The following ATF7IP variants were observed in gnomAD, a reference collection of about 807,000 sequenced individuals.
ATF7IP encodes activating transcription factor 7-interacting protein 1.
A neutral mutation model predicts 106.4 loss-of-function variants in ATF7IP; 23 were observed. That is an observed-to-expected ratio of 0.22 (90% CI 0.16 to 0.31). ATF7IP has a LOEUF of 0.31. Ranked by LOEUF, ATF7IP falls within the 10% of genes least tolerant of loss-of-function variation. The pLI is 1.00. For synonymous variants in ATF7IP, 542 were observed against 539.0 expected, an observed-to-expected ratio of 1.01 and a Z score of -0.08; for missense variants, 1,334 against 1,524.3, an observed-to-expected ratio of 0.88 and a Z score of 2.08.
intron 5 of ATF7IP, among the ~76,000 whole-genome samples, 186 bp downstream of exon 5, chr12:14,438,453 A>C (rs566800885): frequency 6.6e-6 from 1 of 152,300 alleles, no homozygotes; most frequent in Non-Finnish European, 1.5e-5. Context: ...TTTAAACAGT[A>C]GAAATATTCT....
intron 1 of ATF7IP, among the ~76,000 whole-genome samples, chr12:14,423,456 ATGTAATCT>A (rs757381540): frequency 8.1e-4 from 123 of 151,876 alleles, no homozygotes; most frequent in Admixed American, 2.4e-3. Context: ...TTGGTTGCAA[ATGTAATCT>A]TTCCTTACAT....
At chr12:14,469,852 A>T (rs1176936086) in intron 10 of ATF7IP, among the ~76,000 whole-genome samples, 1 of 152,162 alleles carries the variant, frequency 6.6e-6, no homozygotes, top group African/African-American at 2.4e-5. Context: ...ATCGCACAGA[A>T]TTTGTTTTTT....
chr12:14,492,092 G>A lies in ATF7IP; in HGVS notation c.3281-4139G>A, dbSNP rs190248388. 4.0e-3 allele frequency among the ~76,000 whole-genome samples: 605 copies of A among 152,288 alleles called. 3 individuals carry two copies. The highest frequency in any genetic ancestry group is 0.014 in the African/African-American group (575 of 41,552). On this transcript the variant is annotated intron_variant, in intron 13 of 14. Transcript: ENST00000261168. The stretch of plus-strand genomic sequence containing the variant: ...CCTTACCAGTCAAGGAGCCAATGTG[G>A]TGGTTCTGCCAGCTGCTAAGTATGT...
At chr12:14,374,433 G>C (rs1327343616) in intron 1 of ATF7IP, among the ~76,000 whole-genome samples, 1 of 151,802 alleles carries the variant, frequency 6.6e-6, no homozygotes, top group Non-Finnish European at 1.5e-5. Flanking sequence ...ACTTCCAAGG[G>C]CCTTGTAATA....
intron 13 of ATF7IP, among the ~76,000 whole-genome samples, chr12:14,490,773 A>G (rs751870898): frequency 1.4e-4 from 22 of 152,064 alleles, no homozygotes; most frequent in Non-Finnish European, 2.9e-4. Context: ...CATGTAAATT[A>G]CTTCTGCCGT....
intron 1 of ATF7IP, among the ~76,000 whole-genome samples, chr12:14,381,978 G>A (rs1939021841): frequency 2.0e-5 from 3 of 151,274 alleles, no homozygotes; most frequent in African/African-American, 7.3e-5. Flanking sequence ...CATTGCAAGA[G>A]TGAAATAAAA....
intron 5 of ATF7IP, among the ~76,000 whole-genome samples, chr12:14,445,704 TCTC>T (rs1379940064): frequency 6.6e-6 from 1 of 152,188 alleles, no homozygotes; most frequent in Non-Finnish European, 1.5e-5. Context: ...AGATTTGGGT[TCTC>T]CTCTAGAAGT....
chr12:14,442,878 G>C (rs1238742527), intron 5 of ATF7IP, among the ~76,000 whole-genome samples: 2 of 152,160 alleles, frequency 1.3e-5, no homozygotes, highest in African/African-American at 4.8e-5. Flanking sequence ...CAGGAGGCCA[G>C]GTGTGATGGC....
intron 4 of ATF7IP, 119 bp downstream of exon 4, chr12:14,436,370 G>GAA (rs1942402068): frequency 9.5e-7 from 1 of 1,056,828 alleles, no homozygotes; most frequent in Non-Finnish European, 1.4e-6. Flanking sequence ...TAGAAAGAAA[G>GAA]AACTTGAAGA....
intron 1 of ATF7IP, among the ~76,000 whole-genome samples, chr12:14,402,339 A>T (rs1940284964): frequency 6.6e-6 from 1 of 150,844 alleles, no homozygotes; most frequent in African/African-American, 2.4e-5. Context: ...TGTTGCCCAG[A>T]CTGGTCTTGA....
Position 14,418,295 on chromosome 12 carries a change from C to G in ATF7IP, c.-7-5614C>G, listed in dbSNP as rs114382634. On this transcript the variant is annotated intron_variant, in intron 1 of 14. Transcript: ENST00000261168. ...ACTTAAAAAACATTATTTTGACTCT[C>G]ATCCTCATGAAAAAAATACTTTCAG... Among the ~76,000 whole-genome samples, 665 of 152,214 alleles carry G rather than the reference C, an allele frequency of 4.4e-3. 4 individuals carry two copies. The highest frequency in any genetic ancestry group is 0.015 in the African/African-American group (640 of 41,544).
intron 10 of ATF7IP, among the ~76,000 whole-genome samples, chr12:14,473,266 T>C (rs1427698741): frequency 7.2e-6 from 1 of 138,188 alleles, no homozygotes; most frequent in African/African-American, 2.7e-5. Context: ...TCTGTTAGCT[T>C]TTTAGCGCGC....
At chr12:14,400,057 A>G (rs1940098204) in intron 1 of ATF7IP, among the ~76,000 whole-genome samples, 2 of 152,028 alleles carry the variant, frequency 1.3e-5, no homozygotes, top group African/African-American at 4.8e-5. Context: ...TAGCACTAGC[A>G]TGGAAGAGAG....
intron 5 of ATF7IP, among the ~76,000 whole-genome samples, chr12:14,441,380 T>G (rs1942687387): frequency 6.6e-6 from 1 of 152,216 alleles, no homozygotes; most frequent in Non-Finnish European, 1.5e-5. Context: ...CATATGTGCT[T>G]GTTTATAGAA....
intron 10 of ATF7IP, among the ~76,000 whole-genome samples, chr12:14,470,201 C>A (rs1240990794): frequency 6.6e-6 from 1 of 152,180 alleles, no homozygotes; most frequent in Non-Finnish European, 1.5e-5. Flanking sequence ...ACTCTTTCTT[C>A]ACATTTGCTG....
At chr12:14,431,051 C>T (rs1277947628) in intron 2 of ATF7IP, among the ~76,000 whole-genome samples, 2 of 152,218 alleles carry the variant, frequency 1.3e-5, no homozygotes, top group Admixed American at 6.5e-5. Context: ...AAGTATAATT[C>T]TGAAATGGGA....
intron 5 of ATF7IP, 137 bp downstream of exon 5, chr12:14,438,404 G>T (rs1942518955): frequency 2.4e-6 from 2 of 826,704 alleles, no homozygotes; most frequent in African/African-American, 3.5e-5. Context: ...TGTTTAGTTT[G>T]CCAGGGCTGC....
chr12:14,409,137 A>G (rs970345909), intron 1 of ATF7IP, among the ~76,000 whole-genome samples: 1 of 152,000 alleles, frequency 6.6e-6, no homozygotes, highest in African/African-American at 2.4e-5. Flanking sequence ...TTTATACTAG[A>G]TACTCGATAA....
intron 9 of ATF7IP, among the ~76,000 whole-genome samples, chr12:14,464,264 G>A (rs1312902271): frequency 6.6e-6 from 1 of 152,226 alleles, no homozygotes; most frequent in Non-Finnish European, 1.5e-5. Flanking sequence ...GGTCAAGGCT[G>A]CAGTGAGCCA....
Sources: gnomAD v4.1 joint callset for allele counts (sites outside exome capture counted in the v4.1 genomes callset) on GRCh38, gnomAD v4.1.1 for gene constraint, MANE v1.5 for transcripts, NCBI Gene and HGNC (gene_info 2026-07-23, HGNC 2026-07-21) for gene names.